CCDC18: variants seen among roughly 807,000 people sequenced by gnomAD.
The protein encoded by CCDC18 is coiled-coil domain-containing protein 18.
CCDC18 carries 157 observed loss-of-function variants against 196.0 expected under a neutral mutation model. The observed-to-expected ratio is 0.80, with a 90% confidence interval of 0.70 to 0.91. The LOEUF is 0.91. Ranked by LOEUF, CCDC18 falls within the 40% of genes least tolerant of loss-of-function variation. CCDC18 has a pLI of 0.00. For missense variants in CCDC18, 1,465 were observed against 1,611.6 expected (o/e 0.91, Z 1.56); for synonymous variants, 482 against 529.2 (o/e 0.91, Z 1.22).
chr1:93,199,061 G>C (rs1217146175), intron 6 of CCDC18, among the ~76,000 whole-genome samples: 1 of 152,244 alleles, frequency 6.6e-6, no homozygotes, highest in African/African-American at 2.4e-5. Flanking sequence ...CTAGAAGTAG[G>C]AGGGGCACAA....
In CCDC18 at chr1:93,264,869, A is replaced by C; in HGVS notation, c.3853A>C (p.Ile1285Leu). The C allele has an allele frequency of 6.2e-7, 1 of 1,612,880 alleles. No individual in the cohort carries two copies. The highest frequency in any genetic ancestry group is 1.1e-5 in the South Asian group (1 of 91,058). ...HQQVQDRNEV[I>L]EAANEALLTK... ...ACAAGTCCAAGATAGGAATGAAGTA[A>C]TTGAAGCTGCAAATGAAGCATTACT... Residue 1285 changes from isoleucine (I) to leucine (L), a missense_variant, in exon 27 of 29, where the codon ATT (isoleucine) becomes CTT (leucine). Physicochemically the swap from Ile to Leu is conservative, Grantham distance 5. Coordinates refer to ENST00000690025, the MANE Select transcript of CCDC18 (RefSeq NM_001378204.1).
Position 93,205,690 on chromosome 1 carries a change from C to CT in CCDC18, c.917+62dup, listed in dbSNP as rs1303926524. On this transcript the variant is annotated intron_variant, in intron 8 of 28. Coordinates refer to ENST00000690025, the MANE Select transcript of CCDC18 (RefSeq NM_001378204.1). ...TGTGGACATGGAAAAAACTGAAACA[C>CT]TTTAAAACACAATATTTTATTGTTG... 6 of 1,400,728 alleles carry CT rather than the reference C, an allele frequency of 4.3e-6. No individual in the cohort carries two copies. The East Asian group carries it at 1.2e-4, about 28-fold the overall frequency. The allele number at this position is 1,400,728 out of a possible 1,614,324, so 86.8% of individuals were successfully genotyped here.
intron 7 of CCDC18, among the ~76,000 whole-genome samples, chr1:93,205,112 G>A (rs754602544): frequency 2.6e-5 from 4 of 152,160 alleles, no homozygotes; most frequent in Non-Finnish European, 4.4e-5. Context: ...TCTCAACAGT[G>A]TATCTTGGGT....
intron 21 of CCDC18, among the ~76,000 whole-genome samples, chr1:93,241,111 C>T (rs903850446): frequency 5.3e-5 from 8 of 152,152 alleles, no homozygotes; most frequent in South Asian, 2.1e-4. Context: ...CCTGCCACCA[C>T]GCCTGGCTAA....
intron 27 of CCDC18, among the ~76,000 whole-genome samples, chr1:93,266,402 A>G (rs1394717074): frequency 6.6e-6 from 1 of 152,200 alleles, no homozygotes; most frequent in Non-Finnish European, 1.5e-5. Context: ...GCAAGAGCAA[A>G]CACATTCAAA....
chr1:93,183,210 T>C (rs1650029743), intron 1 of CCDC18, 150 bp from the exon 2 acceptor site: 1 of 498,720 alleles, frequency 2.0e-6, no homozygotes, highest in Non-Finnish European at 3.4e-6. Context: ...TTCATTATTA[T>C]TGATTTTTTG....
At chr1:93,179,991 G>A, upstream of CCDC18, 1 of 1,517,214 alleles carries the variant, frequency 6.6e-7, no homozygotes, top group Non-Finnish European at 9.0e-7. Context: ...CTAAACGGGT[G>A]AGAGGCGACA....
Position 93,239,817 on chromosome 1 carries a change from T to C in CCDC18, c.2902T>C (p.Leu968=). The change falls in exon 21 of 29, where the codon TTG becomes CTG. Residue 968 remains leucine (L), a synonymous_variant. Transcript: ENST00000690025. ...LKSTLRQLQE[L]RDVLQKAQLS... is the part of the protein sequence containing the mutation. ...AAGTACTTTAAGACAACTCCAGGAA[T>C]TGAGAGATGTACTACAGAAGGCTCA... The C allele has an allele frequency of 6.2e-7, 1 of 1,613,338 alleles. No homozygotes were observed. Among genetic ancestry groups the C allele is most frequent in the South Asian group, 1.1e-5 (1 of 91,068 alleles).
At chr1:93,197,031 C>T (rs1363461672) in intron 6 of CCDC18, among the ~76,000 whole-genome samples, 1 of 152,006 alleles carries the variant, frequency 6.6e-6, no homozygotes, top group Admixed American at 6.5e-5. Context: ...TAAAGACACT[C>T]TTAGAGGAAA....
chr1:93,241,934 C>T (rs1033340851), intron 21 of CCDC18, among the ~76,000 whole-genome samples: 1 of 151,926 alleles, frequency 6.6e-6, no homozygotes, highest in Non-Finnish European at 1.5e-5. Context: ...AAAAATGAAA[C>T]CCTCATTCAT....
rs532946817 is a variant in CCDC18, at chr1:93,191,322, G to A, written c.463-678G>A. On this transcript the variant is annotated intron_variant, in intron 4 of 28. Coordinates refer to ENST00000690025, the MANE Select transcript of CCDC18 (RefSeq NM_001378204.1). ...AAACTTTCTGCCTCTTTCCTAGTAT[G>A]CCAACACCTTGCTATTGGTGTTCTG... Among the ~76,000 whole-genome samples, 5 of 152,272 alleles carry A rather than the reference G, an allele frequency of 3.3e-5. No individual in the cohort carries two copies. The East Asian group carries it at 9.6e-4, about 29-fold the overall frequency.
chr1:93,218,555 G>A lies in CCDC18; in HGVS notation c.1962+686G>A, dbSNP rs1222093181. ...GATAGAGTCTCGCTCTGTCGGCCAGGCTGGAGTGCAATGGTGTGATCTCAG... is the reference window on the plus strand; with the variant it reads ...GATAGAGTCTCGCTCTGTCGGCCAGACTGGAGTGCAATGGTGTGATCTCAG... On this transcript the variant is annotated intron_variant, in intron 14 of 28. Transcript: ENST00000690025. 3.3e-5 allele frequency among the ~76,000 whole-genome samples: 5 copies of A among 151,726 alleles called. No individual in the cohort carries two copies. The East Asian group carries it at 9.8e-4, about 30-fold the overall frequency.
chr1:93,210,281 G>T (rs1318459854), intron 9 of CCDC18, among the ~76,000 whole-genome samples: 2 of 152,152 alleles, frequency 1.3e-5, no homozygotes, highest in Admixed American at 1.3e-4. Flanking sequence ...ACAGAAAGGT[G>T]CATATGCTAG....
intron 16 of CCDC18, among the ~76,000 whole-genome samples, chr1:93,222,472 A>G (rs1414231083): frequency 1.3e-5 from 2 of 152,168 alleles, no homozygotes; most frequent in Non-Finnish European, 2.9e-5. Flanking sequence ...AAAGTGATTC[A>G]ATTTTGCTTG....
At chr1:93,216,895 T>A (rs1296940990) in intron 13 of CCDC18, 149 bp downstream of exon 13, 8 of 506,652 alleles carry the variant, frequency 1.6e-5, no homozygotes, top group Non-Finnish European at 2.8e-5. Flanking sequence ...TTTATATTTT[T>A]AAGTTAATAG....
intron 8 of CCDC18, among the ~76,000 whole-genome samples, 168 bp from the exon 9 acceptor site, chr1:93,206,939 A>G (rs925446412): frequency 1.3e-5 from 2 of 152,164 alleles, no homozygotes; most frequent in African/African-American, 2.4e-5. Context: ...AGTGCCAACC[A>G]TATAAAGTTG....
intron 7 of CCDC18, among the ~76,000 whole-genome samples, chr1:93,204,777 T>C (rs931855705): frequency 1.3e-5 from 2 of 152,092 alleles, no homozygotes; most frequent in Admixed American, 6.6e-5. Context: ...TATTATACTT[T>C]AAGTTTTAGG....
At chr1:93,183,720 A>C (rs1300072008) in intron 2 of CCDC18, among the ~76,000 whole-genome samples, 1 of 152,150 alleles carries the variant, frequency 6.6e-6, no homozygotes, top group East Asian at 1.9e-4. Context: ...AGTATAAAAT[A>C]TATATTTTGG....
intron 4 of CCDC18, among the ~76,000 whole-genome samples, chr1:93,189,602 T>G (rs1453935105): frequency 1.3e-5 from 2 of 152,218 alleles, no homozygotes; most frequent in Admixed American, 1.3e-4. Flanking sequence ...CGTATGAAGA[T>G]TCCCTTTTTT....
Sources: gnomAD v4.1 joint callset for allele counts (sites outside exome capture counted in the v4.1 genomes callset) on GRCh38, gnomAD v4.1.1 for gene constraint, MANE v1.5 for transcripts, NCBI Gene and HGNC (gene_info 2026-07-23, HGNC 2026-07-21) for gene names.